The following RIPK4 variants were observed in gnomAD, a reference collection of about 807,000 sequenced individuals.
RIPK4 encodes the protein receptor interacting serine/threonine kinase 4.
RIPK4 carries 17 observed loss-of-function variants against 42.9 expected under a neutral mutation model. The observed-to-expected ratio is 0.40, with a 90% CI of 0.27 to 0.59. RIPK4 has a LOEUF of 0.59. Among genes scored for constraint, RIPK4 ranks in the 20% least tolerant of loss-of-function variants. RIPK4 has a pLI of 0.47. For missense variants in RIPK4, 897 were observed against 1,104.4 expected (o/e 0.81, Z 2.66); for synonymous variants, 498 against 499.1 (o/e 1.00, Z 0.03).
chr21:41,760,388 G>A (rs1257740149), intron 1 of RIPK4, among the ~76,000 whole-genome samples: 1 of 152,224 alleles, frequency 6.6e-6, no homozygotes, highest in South Asian at 2.1e-4. Flanking sequence ...CAAAAGAGAA[G>A]TGTGGTTGAA....
In RIPK4 at chr21:41,751,621, G is replaced by A. The variant is rs1057452309; in HGVS notation, c.475-376C>T. Among the ~76,000 whole-genome samples, 2 of 152,230 alleles carry A rather than the reference G, an allele frequency of 1.3e-5. No individual in the cohort carries two copies. Among genetic ancestry groups the A allele is most frequent in the Non-Finnish European group, 2.9e-5 (2 of 68,044 alleles). The stretch of plus-strand genomic sequence containing the variant: ...AAGGGAAAAAAACAAGCCTTCGAGG[G>A]TTCAGGTAAAGAGAGACACATGTGA... On this transcript the variant is annotated intron_variant, in intron 2 of 7. Coordinates refer to ENST00000332512, the MANE Select transcript of RIPK4 (RefSeq NM_020639.3). The surrounding 1 kb of genome is among the most constrained non-coding windows in gnomAD (Gnocchi z 4.5).
chr21:41,763,468 G>A (rs2061226991), intron 1 of RIPK4, among the ~76,000 whole-genome samples: 1 of 152,138 alleles, frequency 6.6e-6, no homozygotes, highest in African/African-American at 2.4e-5. Context: ...CCCGGGACAT[G>A]GTCTTGTGCA....
intron 2 of RIPK4, among the ~76,000 whole-genome samples, chr21:41,756,314 A>G (rs1182078447): frequency 1.3e-5 from 2 of 152,202 alleles, no homozygotes; most frequent in Non-Finnish European, 2.9e-5. Flanking sequence ...CTCCAGCTAC[A>G]TGGCGTGTGG....
chr21:41,765,307 C>T (rs2061232852), intron 1 of RIPK4, among the ~76,000 whole-genome samples: 2 of 152,194 alleles, frequency 1.3e-5, no homozygotes, highest in African/African-American at 4.8e-5. Context: ...ATCAAAATAA[C>T]CACAGCACCC....
chr21:41,746,434 G>A (rs1040510210), intron 5 of RIPK4, among the ~76,000 whole-genome samples, 179 bp downstream of exon 5: 7 of 152,228 alleles, frequency 4.6e-5, no homozygotes, highest in South Asian at 2.1e-4. Flanking sequence ...TGGCCGAGCC[G>A]TGAGTACCAG....
chr21:41,744,306 C>T (rs1279496424), intron 6 of RIPK4, among the ~76,000 whole-genome samples, 166 bp from the exon 7 acceptor site: 2 of 152,208 alleles, frequency 1.3e-5, no homozygotes, highest in African/African-American at 2.4e-5. Flanking sequence ...CGAGCTCAGA[C>T]CCCGCATCGG....
intron 1 of RIPK4, among the ~76,000 whole-genome samples, chr21:41,765,829 T>C (rs1055653988): frequency 2.0e-5 from 3 of 152,238 alleles, no homozygotes; most frequent in African/African-American, 7.2e-5. Flanking sequence ...ACGTGCTAAA[T>C]TGAGCCTTAC....
At chr21:41,759,948 G>A (rs1032477117) in intron 1 of RIPK4, among the ~76,000 whole-genome samples, 2 of 152,194 alleles carry the variant, frequency 1.3e-5, no homozygotes, top group African/African-American at 4.8e-5. Context: ...TGCAAGCCCT[G>A]CAGCTAGGGC....
Position 41,751,114 on chromosome 21 carries a change from G to A in RIPK4, c.606C>T (p.Thr202=), listed in dbSNP as rs2061187068. Residue 202 remains threonine (T), a synonymous_variant, in exon 3 of 8, where the codon ACC becomes ACT. Transcript: ENST00000332512. This position sits in a 1 kb window ranked among gnomAD's most constrained non-coding sequence, Gnocchi z 4.5. ...TCACACACCTGTATACATCGTGCTT[G>A]GTGTCGAAGAGCCGGCTCTTCTCCC... is the stretch of plus-strand genomic sequence containing the variant. ...RIREKSRLFD[T]KHDVYSFAIV... 1.9e-6 allele frequency: 3 copies of A among 1,614,134 alleles called. No homozygotes were observed. The highest frequency in any genetic ancestry group is 1.7e-4 in the Middle Eastern group (1 of 6,050).
intron 3 of RIPK4, among the ~76,000 whole-genome samples, chr21:41,749,762 C>T (rs1412485998): frequency 6.6e-6 from 1 of 151,828 alleles, no homozygotes; most frequent in Non-Finnish European, 1.5e-5. Flanking sequence ...GCGCAGAAAA[C>T]GTAGGAGACA....
rs1302525881 is a variant in RIPK4, at chr21:41,740,496, G to A, written c.*342C>T. On this transcript the variant is annotated 3_prime_UTR_variant, in exon 8 of 8. Coordinates refer to ENST00000332512, the MANE Select transcript of RIPK4 (RefSeq NM_020639.3). ...GAGCTCCAGCAACCCAAGGTGGCTC[G>A]CCTCAGGAGAGAGTGGATGCTTCCA... is the stretch of plus-strand genomic sequence containing the variant. The A allele has an allele frequency of 2.3e-5, 6 of 264,954 alleles. No homozygotes were observed. Among genetic ancestry groups the A allele is most frequent in the South Asian group, 1.3e-4 (1 of 7,546 alleles). The allele number at this position is 264,954 out of a possible 1,614,324, so 16.4% of individuals were successfully genotyped here.
intron 1 of RIPK4, among the ~76,000 whole-genome samples, chr21:41,758,452 C>T (rs746381927): frequency 6.6e-6 from 1 of 152,218 alleles, no homozygotes; most frequent in Non-Finnish European, 1.5e-5. Flanking sequence ...TTTTGTTCAT[C>T]TGTTCGTGGG....
In RIPK4 at chr21:41,755,680, C is replaced by T. The variant is rs747778648; in HGVS notation, c.474+845G>A. 2.0e-5 allele frequency among the ~76,000 whole-genome samples: 3 copies of T among 152,200 alleles called. No individual in the cohort carries two copies. Among genetic ancestry groups the T allele is most frequent in the African/African-American group, 7.2e-5 (3 of 41,458 alleles). On this transcript the variant is annotated intron_variant, in intron 2 of 7. Coordinates refer to ENST00000332512, the MANE Select transcript of RIPK4 (RefSeq NM_020639.3). This position sits in a 1 kb window ranked among gnomAD's most constrained non-coding sequence, Gnocchi z 4.2. Reference sequence around the variant, plus strand: ...CTCCTTCTCACTCCCAGGGCAGACACCAGTGTCATGTGGACCAGCCTATCA... The same window carrying T: ...CTCCTTCTCACTCCCAGGGCAGACATCAGTGTCATGTGGACCAGCCTATCA...
At chr21:41,757,835 C>T (rs896092881) in intron 1 of RIPK4, among the ~76,000 whole-genome samples, 2 of 150,478 alleles carry the variant, frequency 1.3e-5, no homozygotes, top group African/African-American at 2.5e-5. Context: ...CCTGTCTCTA[C>T]GAAAAATACA....
chr21:41,741,946 G>C lies in RIPK4; in HGVS notation c.1247C>G (p.Ser416Cys). ...CTTCATCAGTTTGCTGGTGTCCCCG[G>C]ACACGATGGCATCCACAAGCTTCTT... is the stretch of plus-strand genomic sequence containing the variant. ...QKKKLVDAIV[S>C]GDTSKLMKIL... Residue 416 changes from serine (S) to cysteine (C), a missense_variant, in exon 8 of 8, where the codon TCC (serine) becomes TGC (cysteine). Transcript: ENST00000332512. 6.2e-7 allele frequency: 1 copy of C among 1,609,554 alleles called. No individual in the cohort carries two copies. The highest frequency in any genetic ancestry group is 8.5e-7 in the Non-Finnish European group (1 of 1,177,140).
chr21:41,746,464 G>C lies in RIPK4; in HGVS notation c.832+149C>G. 5.2e-6 allele frequency: 5 copies of C among 962,946 alleles called. No homozygotes were observed. The South Asian group carries it at 8.4e-5, about 16-fold the overall frequency. 59.7% of individuals were successfully genotyped at this position (962,946 alleles called of 1,614,324 possible). A position where few individuals can be genotyped will look rare whatever the true frequency, so the allele number is the denominator to read the frequency against. The stretch of plus-strand genomic sequence containing the variant: ...TACCAGAGGCCGCAGGCAGGTGCTG[G>C]GTCCAACCTATCTGTGCAGGGCTCA... On this transcript the variant is annotated intron_variant, in intron 5 of 7. Transcript: ENST00000332512.
At chr21:41,753,702 C>A (rs910222142) in intron 2 of RIPK4, among the ~76,000 whole-genome samples, 1 of 152,196 alleles carries the variant, frequency 6.6e-6, no homozygotes, top group African/African-American at 2.4e-5. Flanking sequence ...ACAGCTGCCC[C>A]CAAGCACATG....
intron 1 of RIPK4, among the ~76,000 whole-genome samples, chr21:41,762,811 G>T (rs2061224805): frequency 6.6e-6 from 1 of 152,158 alleles, no homozygotes; most frequent in Non-Finnish European, 1.5e-5. Flanking sequence ...GTGGAGAGAT[G>T]CCGAATCCAG....
At chr21:41,752,504 G>A (rs937280023) in intron 2 of RIPK4, among the ~76,000 whole-genome samples, 7 of 152,242 alleles carry the variant, frequency 4.6e-5, no homozygotes, top group East Asian at 1.9e-4. Flanking sequence ...ACAAGGCCTC[G>A]ACTCCAGCGG....
Sources: allele counts gnomAD v4.1 joint callset (sites outside exome capture counted in the v4.1 genomes callset), GRCh38; gene constraint gnomAD v4.1.1; non-coding constraint Gnocchi (gnomAD v3.1); transcripts MANE v1.5; gene names NCBI Gene and HGNC (gene_info 2026-07-23, HGNC 2026-07-21).